The following TERT variants were observed in gnomAD, a reference collection of about 807,000 sequenced individuals.
The protein encoded by TERT is telomerase reverse transcriptase, also known as telomerase catalytic subunit.
TERT carries 42 observed loss-of-function variants against 104.0 expected under a neutral mutation model. That is an observed-to-expected ratio of 0.40 (90% CI 0.32 to 0.52). The LOEUF (loss-of-function observed/expected upper bound fraction) is 0.52. TERT is among the 20% of genes least tolerant of loss of function. The pLI is 0.43. For missense variants in TERT, 1,101 were observed against 1,610.3 expected (o/e 0.68, Z 5.41); for synonymous variants, 781 against 725.6 (o/e 1.08, Z -1.23).
rs1279966046 is a variant in TERT, at chr5:1,294,108, C to T, written c.778G>A (p.Gly260Ser). Reference sequence around the variant, plus strand: ...CGGTCACTCGGTCCACGCGTCCTGCCCGGGTGGGCCCAGGACCCCTGCCCA... The same window carrying T: ...CGGTCACTCGGTCCACGCGTCCTGCTCGGGTGGGCCCAGGACCCCTGCCCA... ...PVGQGSWAHPGRTRGPSDRGF... is the reference protein window; with the variant it reads ...PVGQGSWAHPSRTRGPSDRGF... Residue 260 changes from glycine to serine, a missense_variant, in exon 2 of 16, where the codon GGC becomes AGC. By Grantham distance (56) the Gly-to-Ser change is moderately conservative. Transcript: ENST00000310581. The T allele has an allele frequency of 1.3e-6, 2 of 1,585,354 alleles. No homozygotes were observed. Among genetic ancestry groups the T allele is most frequent in the Non-Finnish European group, 1.7e-6 (2 of 1,168,306 alleles).
At position 1,293,917 on chromosome 5, in the gene TERT, C is replaced by T. The variant is rs148549782; in HGVS notation, c.969G>A (p.Pro323=). 577 of 1,542,350 alleles carry T rather than the reference C, an allele frequency of 3.7e-4. 1 individual carries two copies. The African/African-American group carries it at 6.8e-3, about 18-fold the overall frequency. Residue 323 remains proline, a synonymous_variant, in exon 2 of 16, where the codon CCG becomes CCA. Coordinates refer to ENST00000310581, the MANE Select transcript of TERT (RefSeq NM_198253.3). ...PPRPWDTPCP[P]VYAETKHFLY... is the part of the protein sequence containing the mutation. ...GGAAGTGCTTGGTCTCGGCGTACAC[C>T]GGGGGACAAGGCGTGTCCCAGGGAC...
chr5:1,266,526 C>T lies in TERT; in HGVS notation c.2592G>A (p.Leu864=), dbSNP rs1748619394. The change falls in exon 10 of 16, where the codon CTG becomes CTA. Residue 864 remains leucine (L), a synonymous_variant. Coordinates refer to ENST00000310581, the MANE Select transcript of TERT (RefSeq NM_198253.3). ...CCAACAAGAAATCATCCACCAAACG[C>T]AGGAGCAGCCTAAAATAAGGGAAAA... ...FAGIRRDGLL[L]RLVDDFLLVT... The T allele has an allele frequency of 6.2e-7, 1 of 1,609,462 alleles. No homozygotes were observed. Among genetic ancestry groups the T allele is most frequent in the Non-Finnish European group, 8.5e-7 (1 of 1,177,872 alleles).
rs2126691259 is a variant in TERT, at chr5:1,294,755, C to T, written c.219+16G>A. On this transcript the variant is annotated intron_variant, in intron 1 of 15. Transcript: ENST00000310581. ...GCCCTCAACCCCAGCCGGACGCCGACCCCGGGGAGGCCCACCTGGCGGAAG... is the reference window on the plus strand; with the variant it reads ...GCCCTCAACCCCAGCCGGACGCCGATCCCGGGGAGGCCCACCTGGCGGAAG... 1.3e-6 allele frequency: 2 copies of T among 1,552,586 alleles called. No homozygotes were observed. The highest frequency in any genetic ancestry group is 2.7e-5 in the African/African-American group (2 of 72,994).
In TERT at chr5:1,254,508, G is replaced by A; in HGVS notation, c.3158-3C>T. 1 of 1,610,936 alleles carries A rather than the reference G, an allele frequency of 6.2e-7. No homozygotes were observed. Among genetic ancestry groups the A allele is most frequent in the South Asian group, 1.1e-5 (1 of 90,910 alleles). ...GCCCTTGGCCCCCAGCGACATCCCT[G>A]GGGGAAAACAGAGGCTGAGGAGTCA... On this transcript the variant is annotated splice_polypyrimidine_tract_variant and splice_region_variant and intron_variant, in intron 14 of 15. Transcript: ENST00000310581.
In TERT at chr5:1,286,010, G is replaced by A. The variant is rs532316931; in HGVS notation, c.1574-3386C>T. On this transcript the variant is annotated intron_variant, in intron 2 of 15. Transcript: ENST00000310581. This position sits in a 1 kb window ranked among gnomAD's most constrained non-coding sequence, Gnocchi z 5.3. Reference sequence around the variant, plus strand: ...GCCAGGCAGCACCGTCAGAGCTGGCGCCACACCGCAGGTTTGCGCGATTTC... The same window carrying A: ...GCCAGGCAGCACCGTCAGAGCTGGCACCACACCGCAGGTTTGCGCGATTTC... Among the ~76,000 whole-genome samples, 100 of 152,154 alleles carry A rather than the reference G, an allele frequency of 6.6e-4. No individual in the cohort carries two copies. Among genetic ancestry groups the A allele is most frequent in the Non-Finnish European group, 1.2e-3 (84 of 68,002 alleles).
rs890529517 is a variant in TERT at position 1,270,478 on chromosome 5, G to T, written c.2468+641C>A. On this transcript the variant is annotated intron_variant, in intron 8 of 15. Transcript: ENST00000310581. The surrounding 1 kb of genome is among the most constrained non-coding windows in gnomAD (Gnocchi z 8.3). The stretch of plus-strand genomic sequence containing the variant: ...GGTGTGTGGTTTTACTTAAAATCCA[G>T]AGGACGTGATGTGGCACCAGGCACT... Among the ~76,000 whole-genome samples the T allele has an allele frequency of 1.3e-5, 2 of 152,204 alleles. No homozygotes were observed. The highest frequency in any genetic ancestry group is 2.9e-5 in the Non-Finnish European group (2 of 68,046).
Position 1,282,461 on chromosome 5 carries a change from ACT to A in TERT, c.1735_1736del (p.Ser579CysfsTer49). 1.2e-6 allele frequency: 2 copies of A among 1,613,832 alleles called. No individual in the cohort carries two copies. Among genetic ancestry groups the A allele is most frequent in the Non-Finnish European group, 1.7e-6 (2 of 1,179,940 alleles). ...QKNRLFFYRK[S>X]VWSKLQSIGI... is the part of the protein sequence containing the mutation. ...CAATGCTTTGCAACTTGCTCCAGAC[ACT>A]CTTCCGGTAGAAAAAGAGCCTGTTC... On this transcript the variant is annotated frameshift_variant, in exon 3 of 16. Coordinates refer to ENST00000310581, the MANE Select transcript of TERT (RefSeq NM_198253.3). LOFTEE classifies it high-confidence loss of function.
At chr5:1,277,973 C>T (rs999087543) in intron 6 of TERT, among the ~76,000 whole-genome samples, 20 of 151,068 alleles carry the variant, frequency 1.3e-4, no homozygotes, top group Admixed American at 2.0e-4. Context: ...CCAAGGCCCC[C>T]GGCCGCTCTG....
At chr5:1,277,423 C>A (rs886905608) in intron 6 of TERT, among the ~76,000 whole-genome samples, 3 of 152,222 alleles carry the variant, frequency 2.0e-5, no homozygotes, top group African/African-American at 7.2e-5. Flanking sequence ...GCGAGTTCCA[C>A]AACGGATGCC....
rs1437055844 is a variant in TERT at position 1,287,908 on chromosome 5, C to T, written c.1574-5284G>A. On this transcript the variant is annotated intron_variant, in intron 2 of 15. Coordinates refer to ENST00000310581, the MANE Select transcript of TERT (RefSeq NM_198253.3). This position sits in a 1 kb window ranked among gnomAD's most constrained non-coding sequence, Gnocchi z 4.3. ...TGGACAGTTCTGGAAACCATGCACACACTAGATCACAAAGCAAGGCTCCGC... is the reference window on the plus strand; with the variant it reads ...TGGACAGTTCTGGAAACCATGCACATACTAGATCACAAAGCAAGGCTCCGC... 6.6e-6 allele frequency among the ~76,000 whole-genome samples: 1 copy of T among 151,748 alleles called. No homozygotes were observed. The highest frequency in any genetic ancestry group is 2.4e-5 in the African/African-American group (1 of 41,258).
Position 1,256,185 on chromosome 5 carries a change from T to C in TERT, c.3033-774A>G, listed in dbSNP as rs184987626. ...CCACCATGCTCAGCTAATTTTTGTT[T>C]TTATTTTTCATAGAGATGGGGTTCT... is the stretch of plus-strand genomic sequence containing the variant. On this transcript the variant is annotated intron_variant, in intron 13 of 15. Transcript: ENST00000310581. The surrounding 1 kb of genome is among the most constrained non-coding windows in gnomAD (Gnocchi z 7.0). Among the ~76,000 whole-genome samples, 1 of 152,062 alleles carries C rather than the reference T, an allele frequency of 6.6e-6. No homozygotes were observed. Among genetic ancestry groups the C allele is most frequent in the Admixed American group, 6.5e-5 (1 of 15,280 alleles).
At chr5:1,275,062 G>T (rs1749452530) in intron 6 of TERT, among the ~76,000 whole-genome samples, 1 of 152,202 alleles carries the variant, frequency 6.6e-6, no homozygotes, top group Non-Finnish European at 1.5e-5. Context: ...TATCGCTGCA[G>T]ATCTCACGGA....
rs1748243493 is a variant in TERT at position 1,261,725 on chromosome 5, G to A, written c.2844-1125C>T. Among the ~76,000 whole-genome samples, 1 of 152,166 alleles carries A rather than the reference G, an allele frequency of 6.6e-6. No individual in the cohort carries two copies. The highest frequency in any genetic ancestry group is 2.4e-5 in the African/African-American group (1 of 41,432). The stretch of plus-strand genomic sequence containing the variant: ...TCAGACGTCCATTTCTTCTTTCACA[G>A]CCATCCCCAACACGACCTTGGGCTC... On this transcript the variant is annotated intron_variant, in intron 11 of 15. Transcript: ENST00000310581. This position sits in a 1 kb window ranked among gnomAD's most constrained non-coding sequence, Gnocchi z 7.4.
In TERT at chr5:1,253,331, G is replaced by C; in HGVS notation, c.*397C>G. ...CCAGAGCTCCCAGGGTCCTTCTCAG[G>C]GTCTCCACCTGGATGGTGGGGGTGG... On this transcript the variant is annotated 3_prime_UTR_variant, in exon 16 of 16. Transcript: ENST00000310581. The C allele has an allele frequency of 2.5e-6, 1 of 407,344 alleles. No individual in the cohort carries two copies. Among genetic ancestry groups the C allele is most frequent in the African/African-American group, 2.0e-5 (1 of 50,816 alleles). 25.2% of individuals were successfully genotyped at this position (407,344 alleles called of 1,614,324 possible).
At chr5:1,266,106 G>A (rs765146730) in intron 10 of TERT, among the ~76,000 whole-genome samples, 27 of 152,268 alleles carry the variant, frequency 1.8e-4, no homozygotes, top group Non-Finnish European at 3.1e-4. Context: ...CTGCCGCCTC[G>A]GCCCTGCAGG....
In TERT at chr5:1,263,161, A is replaced by G. The variant is rs1748352735; in HGVS notation, c.2843+1243T>C. 6.6e-6 allele frequency among the ~76,000 whole-genome samples: 1 copy of G among 152,172 alleles called. No individual in the cohort carries two copies. The highest frequency in any genetic ancestry group is 1.5e-5 in the Non-Finnish European group (1 of 68,026). ...TGTCCACACCTGCTGCTCCCCCATG[A>G]AGCAAACCCCAGGGAGCATTCTGGA... On this transcript the variant is annotated intron_variant, in intron 11 of 15. Transcript: ENST00000310581. The surrounding 1 kb of genome is among the most constrained non-coding windows in gnomAD (Gnocchi z 5.3).
Position 1,255,901 on chromosome 5 carries a change from T to C in TERT, c.3033-490A>G, listed in dbSNP as rs1418448047. On this transcript the variant is annotated intron_variant, in intron 13 of 15. Transcript: ENST00000310581. The surrounding 1 kb of genome is among the most constrained non-coding windows in gnomAD (Gnocchi z 6.9). Reference sequence around the variant, plus strand: ...TGCATAAACCCTGGGTCTGGGGTGATGGTGTGAGGACCCATCATCTCATCT... The same window carrying C: ...TGCATAAACCCTGGGTCTGGGGTGACGGTGTGAGGACCCATCATCTCATCT... Among the ~76,000 whole-genome samples, 1 of 152,090 alleles carries C rather than the reference T, an allele frequency of 6.6e-6. No individual in the cohort carries two copies.
In TERT at chr5:1,253,541, G is replaced by GCTCAGGCCTCAGCCGGACA. The variant is rs1747482596; in HGVS notation, c.*168_*186dup. The GCTCAGGCCTCAGCCGGACA allele has an allele frequency of 3.2e-6, 2 of 627,330 alleles. No homozygotes were observed. Among genetic ancestry groups the GCTCAGGCCTCAGCCGGACA allele is most frequent in the Non-Finnish European group, 5.7e-6 (2 of 349,868 alleles). 38.9% of individuals were successfully genotyped at this position (627,330 alleles called of 1,614,324 possible). On this transcript the variant is annotated 3_prime_UTR_variant, in exon 16 of 16. Transcript: ENST00000310581. ...ACACTCAGCCCTTGGCTGGACACTC[G>GCTCAGGCCTCAGCCGGACA]CTCAGGCCTCAGCCGGACACTCAGC... is the stretch of plus-strand genomic sequence containing the variant.
At chr5:1,291,554 CG>C (rs1750964268) in intron 2 of TERT, among the ~76,000 whole-genome samples, 1 of 109,224 alleles carries the variant, frequency 9.2e-6, no homozygotes, top group African/African-American at 3.6e-5. Context: ...CAGGGACACC[CG>C]GGGACCGCGC....
Sources: gnomAD v4.1 joint callset for allele counts (sites outside exome capture counted in the v4.1 genomes callset) on GRCh38, gnomAD v4.1.1 for gene constraint, Gnocchi (gnomAD v3.1) non-coding constraint, MANE v1.5 for transcripts, NCBI Gene and HGNC (gene_info 2026-07-23, HGNC 2026-07-21) for gene names.